Variants in ZNF407 observed in about 807,000 individuals in gnomAD.
ZNF407 encodes the protein zinc finger protein 407.
In ZNF407, 17 loss-of-function variants were observed where a neutral mutation model predicts 131.2. The ratio of observed to expected loss-of-function variants is 0.13; its 90% confidence interval spans 0.09 to 0.19. ZNF407 has a LOEUF of 0.19. ZNF407 is among the 10% of genes least tolerant of loss of function. ZNF407 has a pLI of 1.00. For missense variants in ZNF407, 2,681 were observed against 2,830.6 expected (o/e 0.95, Z 1.20); for synonymous variants, 1,156 against 1,062.0 (o/e 1.09, Z -1.72).
intron 8 of ZNF407, among the ~76,000 whole-genome samples, chr18:74,946,898 G>A (rs1972159383): frequency 6.6e-6 from 1 of 152,150 alleles, no homozygotes; most frequent in Admixed American, 6.5e-5. Context: ...TCCTTTTAGA[G>A]GAGTTTAATC....
chr18:74,879,794 TTAAGTA>T (rs1423983104), intron 5 of ZNF407, among the ~76,000 whole-genome samples: 1 of 152,134 alleles, frequency 6.6e-6, no homozygotes, highest in South Asian at 2.1e-4. Flanking sequence ...AAAACTCTCT[TTAAGTA>T]TATGTGTTCG....
intron 5 of ZNF407, among the ~76,000 whole-genome samples, chr18:74,877,953 A>C (rs1215804753): frequency 6.6e-6 from 1 of 152,240 alleles, no homozygotes; most frequent in Admixed American, 6.5e-5. Flanking sequence ...AAAGTTATTA[A>C]AAATGTTCAA....
rs1310748059 is a variant in ZNF407, at chr18:74,703,199, T to G, written c.4802+62077T>G. The stretch of plus-strand genomic sequence containing the variant: ...TGACTGCTGCTTGTAGCAGCCTTCT[T>G]CATTTCTCACAAGAACCTGCCTCAT... On this transcript the variant is annotated intron_variant, in intron 3 of 8. Transcript: ENST00000299687. This position sits in a 1 kb window ranked among gnomAD's most constrained non-coding sequence, Gnocchi z 4.1. Among the ~76,000 whole-genome samples the G allele has an allele frequency of 6.6e-6, 1 of 152,218 alleles. No homozygotes were observed. The highest frequency in any genetic ancestry group is 1.5e-5 in the Non-Finnish European group (1 of 68,038).
intron 8 of ZNF407, among the ~76,000 whole-genome samples, chr18:75,012,683 A>AC: frequency 5.6e-5 from 1 of 17,752 alleles, no homozygotes; most frequent in Non-Finnish European, 4.5e-4. Flanking sequence ...CTGCTGTGGA[A>AC]CTTTCTTTTT....
chr18:74,825,932 C>A (rs142652560), intron 4 of ZNF407, among the ~76,000 whole-genome samples: 40 of 152,292 alleles, frequency 2.6e-4, no homozygotes, highest in African/African-American at 9.1e-4. Flanking sequence ...ACTAAGCTAG[C>A]ACAAAGCATC....
intron 4 of ZNF407, among the ~76,000 whole-genome samples, chr18:74,813,460 C>G (rs1268414060): frequency 3.2e-5 from 4 of 125,012 alleles, no homozygotes; most frequent in African/African-American, 1.9e-4. Context: ...CGCTCTGCGT[C>G]ACCCCCTTCA....
chr18:74,851,444 T>C (rs894557185), intron 4 of ZNF407, among the ~76,000 whole-genome samples: 1 of 152,250 alleles, frequency 6.6e-6, no homozygotes, highest in African/African-American at 2.4e-5. Context: ...TACACATTTA[T>C]GTATTATACT....
intron 7 of ZNF407, among the ~76,000 whole-genome samples, chr18:74,915,541 G>C (rs1189790439): frequency 1.5e-5 from 2 of 130,372 alleles, no homozygotes; most frequent in Non-Finnish European, 3.2e-5. Flanking sequence ...GTGCAGCATT[G>C]GTTCGAATCG....
chr18:75,063,976 G>C lies in ZNF407; in HGVS notation c.6255G>C (p.Gln2085His), dbSNP rs1339788251. 1.2e-6 allele frequency: 2 copies of C among 1,613,434 alleles called. No individual in the cohort carries two copies. Among genetic ancestry groups the C allele is most frequent in the Non-Finnish European group, 1.7e-6 (2 of 1,179,828 alleles). ...AGAAGATGGTCCAGGGCGTCCTCCA[G>C]TTTGCTGTGTGTGACACGGCCGCGG... ...AFKKMVQGVL[Q>H]FAVCDTAAAG... The change falls in exon 9 of 9, where the codon CAG (glutamine) becomes CAC (histidine). Residue 2085 changes from glutamine to histidine, a missense_variant. Around this residue, in one of 6 missense-constraint regions of ZNF407, gnomAD observed 620 missense variants for 583.1 expected, o/e 1.06. Coordinates refer to ENST00000299687, the MANE Select transcript of ZNF407 (RefSeq NM_017757.3). This position sits in a 1 kb window ranked among gnomAD's most constrained non-coding sequence, Gnocchi z 6.6.
intron 3 of ZNF407, among the ~76,000 whole-genome samples, chr18:74,677,630 T>C (rs917536136): frequency 1.3e-5 from 2 of 152,206 alleles, no homozygotes; most frequent in Non-Finnish European, 2.9e-5. Flanking sequence ...TAAAATACTT[T>C]AGGCAAAACT....
intron 3 of ZNF407, among the ~76,000 whole-genome samples, chr18:74,775,933 C>A (rs1969461221): frequency 6.6e-6 from 1 of 152,138 alleles, no homozygotes; most frequent in African/African-American, 2.4e-5. Context: ...TCTACAGTAC[C>A]GAGGCTGACG....
At chr18:74,654,821 T>C (rs1985380897) in intron 3 of ZNF407, among the ~76,000 whole-genome samples, 1 of 151,842 alleles carries the variant, frequency 6.6e-6, no homozygotes, top group African/African-American at 2.4e-5. Context: ...TAACTGTTCA[T>C]TTCCAGTAGA....
In ZNF407 at chr18:74,826,183, A is replaced by G. The variant is rs17055682; in HGVS notation, c.4877+44681A>G. Among the ~76,000 whole-genome samples, 1,248 of 152,314 alleles carry G rather than the reference A, an allele frequency of 8.2e-3. 14 individuals are homozygous for G. The highest frequency in any genetic ancestry group is 0.028 in the African/African-American group (1,160 of 41,570). ...AATTAGAGGAATAAAGTTGCCCTCAATGAAGGTATTTCTTCAAGTCTGTAT... is the reference window on the plus strand; with the variant it reads ...AATTAGAGGAATAAAGTTGCCCTCAGTGAAGGTATTTCTTCAAGTCTGTAT... On this transcript the variant is annotated intron_variant, in intron 4 of 8. Coordinates refer to ENST00000299687, the MANE Select transcript of ZNF407 (RefSeq NM_017757.3).
chr18:74,634,827 A>C lies in ZNF407; in HGVS notation c.3808A>C (p.Ile1270Leu). 1 of 1,613,968 alleles carries C rather than the reference A, an allele frequency of 6.2e-7. No homozygotes were observed. Among genetic ancestry groups the C allele is most frequent in the Non-Finnish European group, 8.5e-7 (1 of 1,179,872 alleles). Residue 1270 changes from isoleucine (I) to leucine (L), a missense_variant, in exon 2 of 9, where the codon ATA (isoleucine) becomes CTA (leucine). Ile to Leu is a conservative substitution (Grantham distance 5). Coordinates refer to ENST00000299687, the MANE Select transcript of ZNF407 (RefSeq NM_017757.3). ...AESPVLVVTR[I>L]TREQGNLESG... Reference sequence around the variant, plus strand: ...AAGCCCTGTGCTCGTTGTGACAAGAATAACCAGAGAACAGGGAAATCTGGA... The same window carrying C: ...AAGCCCTGTGCTCGTTGTGACAAGACTAACCAGAGAACAGGGAAATCTGGA...
At chr18:74,902,618 A>T (rs1971542424) in intron 7 of ZNF407, among the ~76,000 whole-genome samples, 1 of 151,904 alleles carries the variant, frequency 6.6e-6, no homozygotes, top group Non-Finnish European at 1.5e-5. Flanking sequence ...ATCGTCAGTG[A>T]CTCTTCTCTA....
chr18:74,881,288 C>T (rs909614271), intron 6 of ZNF407, among the ~76,000 whole-genome samples, 169 bp downstream of exon 6: 4 of 152,206 alleles, frequency 2.6e-5, no homozygotes, highest in African/African-American at 7.2e-5. Flanking sequence ...TAAATCATCT[C>T]TTTTTATATA....
chr18:74,894,507 AG>A (rs1971427392), intron 7 of ZNF407, among the ~76,000 whole-genome samples: 2 of 152,150 alleles, frequency 1.3e-5, no homozygotes, highest in African/African-American at 2.4e-5. Context: ...TCCAAAACAT[AG>A]GGTTTTTTAA....
At chr18:74,861,051 G>A (rs1342536301) in intron 4 of ZNF407, among the ~76,000 whole-genome samples, 5 of 152,120 alleles carry the variant, frequency 3.3e-5, no homozygotes, top group African/African-American at 1.2e-4. Context: ...CACCCATTGT[G>A]TCCGCCTCTT....
At chr18:75,021,869 T>C (rs1024602994) in intron 8 of ZNF407, among the ~76,000 whole-genome samples, 1 of 151,980 alleles carries the variant, frequency 6.6e-6, no homozygotes, top group Non-Finnish European at 1.5e-5. Context: ...CTACATTCTG[T>C]ATGTCAGAAG....
Sources: allele counts gnomAD v4.1 joint callset (sites outside exome capture counted in the v4.1 genomes callset), GRCh38; gene constraint gnomAD v4.1.1; regional missense constraint gnomAD v4.1.1; non-coding constraint Gnocchi (gnomAD v3.1); transcripts MANE v1.5; gene names NCBI Gene and HGNC (gene_info 2026-07-23, HGNC 2026-07-21).